The following SBF2 variants were observed in gnomAD, a reference collection of about 807,000 sequenced individuals.
SBF2 encodes the protein myotubularin-related protein 13.
A neutral mutation model predicts 225.2 loss-of-function variants in SBF2; 112 were observed. That is an observed-to-expected ratio of 0.50 (90% confidence interval 0.43 to 0.58). SBF2 has a LOEUF of 0.58. SBF2 is among the 20% of genes least tolerant of loss of function. The pLI is 0.00. For synonymous variants in SBF2, 763 were observed against 773.3 expected (o/e 0.99, Z 0.22); for missense variants, 1,996 against 2,206.2 (o/e 0.90, Z 1.91).
In SBF2 at chr11:10,015,308, T is replaced by C. The variant is rs150481220; in HGVS notation, c.620-12619A>G. On this transcript the variant is annotated intron_variant, in intron 6 of 39. Transcript: ENST00000256190. ...TCAAACTATTTAAAATAAAGAGTGATACTTTTTAAAGTCTGTGGATGTATT... is the reference window on the plus strand; with the variant it reads ...TCAAACTATTTAAAATAAAGAGTGACACTTTTTAAAGTCTGTGGATGTATT... 3.9e-4 allele frequency among the ~76,000 whole-genome samples: 60 copies of C among 152,358 alleles called. 1 individual carries two copies. The East Asian group carries it at 9.8e-3, about 25-fold the overall frequency.
At chr11:9,882,795 C>CAAAAAAAAAA (rs56699466) in intron 17 of SBF2, among the ~76,000 whole-genome samples, 4 of 90,094 alleles carry the variant, frequency 4.4e-5, no homozygotes, top group Non-Finnish European at 4.8e-5. Flanking sequence ...GTGACAGAGT[C>CAAAAAAAAAA]AAAAAAAAAA....
intron 16 of SBF2, among the ~76,000 whole-genome samples, chr11:9,903,737 A>C (rs533469140): frequency 6.6e-6 from 1 of 152,246 alleles, no homozygotes; most frequent in Admixed American, 6.5e-5. Flanking sequence ...AGGCTGGGCT[A>C]CTCATAAGTG....
intron 2 of SBF2, among the ~76,000 whole-genome samples, chr11:10,110,638 T>G (rs1428700590): frequency 6.6e-6 from 1 of 152,126 alleles, no homozygotes; most frequent in African/African-American, 2.4e-5. Context: ...GACACGAGTT[T>G]TAAAAGCTAT....
At chr11:9,993,124 G>A (rs773063316) in intron 10 of SBF2, 21 bp from the exon 11 acceptor site, 2 of 1,546,970 alleles carry the variant, frequency 1.3e-6, no homozygotes, top group Non-Finnish European at 1.8e-6. Context: ...AAGAAGAAAT[G>A]TTAGGTAATT....
intron 1 of SBF2, among the ~76,000 whole-genome samples, chr11:10,259,431 T>A (rs11042694): frequency 0.022 from 3,278 of 152,286 alleles, 91 homozygotes; most frequent in African/African-American, 0.065. Context: ...TTTGCATGCA[T>A]TTCTTTTCTC....
chr11:9,963,792 T>G lies in SBF2; in HGVS notation c.1691A>C (p.Lys564Thr). The G allele has an allele frequency of 6.3e-7, 1 of 1,586,010 alleles. No individual in the cohort carries two copies. Among genetic ancestry groups the G allele is most frequent in the South Asian group, 1.1e-5 (1 of 89,432 alleles). Residue 564 changes from lysine to threonine, a missense_variant, in exon 15 of 40, where the codon AAA (lysine) becomes ACA (threonine). Coordinates refer to ENST00000256190, the MANE Select transcript of SBF2 (RefSeq NM_030962.4). ...TATTACCTTTTCAGTTTCCAAAATTTTATTTTCAAATATGAATGAGATACA... is the reference window on the plus strand; with the variant it reads ...TATTACCTTTTCAGTTTCCAAAATTGTATTTTCAAATATGAATGAGATACA... ...RNCISFIFEN[K>T]ILETEKTLPA...
intron 16 of SBF2, among the ~76,000 whole-genome samples, chr11:9,946,781 A>G (rs1002383735): frequency 1.3e-5 from 2 of 152,234 alleles, no homozygotes; most frequent in Non-Finnish European, 2.9e-5. Flanking sequence ...TTATATATGT[A>G]TAACAAACAC....
At chr11:10,085,683 G>C (rs1259300977) in intron 2 of SBF2, among the ~76,000 whole-genome samples, 1 of 151,926 alleles carries the variant, frequency 6.6e-6, no homozygotes. Flanking sequence ...CTTTTCTTCT[G>C]GCTGTAATTT....
At chr11:10,267,787 G>T (rs1443358433) in intron 1 of SBF2, among the ~76,000 whole-genome samples, 2 of 152,116 alleles carry the variant, frequency 1.3e-5, no homozygotes, top group Non-Finnish European at 2.9e-5. Flanking sequence ...GTGAAAGGGA[G>T]TTTAAGGTGG....
chr11:10,037,323 G>A (rs902689561), intron 3 of SBF2, among the ~76,000 whole-genome samples: 5 of 152,052 alleles, frequency 3.3e-5, no homozygotes, highest in South Asian at 2.1e-4. Context: ...ATTATGTTAC[G>A]CATGCTAGTT....
intron 1 of SBF2, among the ~76,000 whole-genome samples, chr11:10,237,953 G>A (rs183388352): frequency 8.5e-5 from 13 of 152,268 alleles, no homozygotes; most frequent in African/African-American, 2.9e-4. Flanking sequence ...AGACATTTGG[G>A]CTGTTTCTGG....
At chr11:10,040,727 G>GGT (rs1026235279) in intron 3 of SBF2, among the ~76,000 whole-genome samples, 5 of 151,360 alleles carry the variant, frequency 3.3e-5, no homozygotes, top group Admixed American at 2.0e-4. Flanking sequence ...AAAGAATTTA[G>GGT]GTGTGTGTGT....
rs376862548 is a variant in SBF2, at chr11:10,133,456, G to A, written c.141+60446C>T. Among the ~76,000 whole-genome samples the A allele has an allele frequency of 5.0e-3, 731 of 146,530 alleles. 48 individuals carry two copies. The highest frequency in any genetic ancestry group is 0.039 in the Middle Eastern group (11 of 280). On this transcript the variant is annotated intron_variant, in intron 2 of 39. Coordinates refer to ENST00000256190, the MANE Select transcript of SBF2 (RefSeq NM_030962.4). ...AGGTCCCGAGCCCTGCCCCGTGGGA[G>A]GGCAGCCAAGGCCCAGCGAGAAATC...
At chr11:10,132,664 A>G (rs1017284520) in intron 2 of SBF2, among the ~76,000 whole-genome samples, 4 of 148,966 alleles carry the variant, frequency 2.7e-5, no homozygotes, top group African/African-American at 5.0e-5. Flanking sequence ...AAGAGTGAGC[A>G]GTAGCAAGAT....
chr11:10,008,121 T>A (rs533585115), intron 6 of SBF2, among the ~76,000 whole-genome samples: 34 of 152,260 alleles, frequency 2.2e-4, no homozygotes, highest in African/African-American at 7.5e-4. Context: ...TGACTCCAAT[T>A]GGGATTACAA....
intron 1 of SBF2, among the ~76,000 whole-genome samples, chr11:10,293,639 G>A (rs1221895147): frequency 1.3e-5 from 2 of 152,186 alleles, no homozygotes; most frequent in African/African-American, 2.4e-5. Flanking sequence ...TTATCCCCGA[G>A]GAACTTAGCA....
At chr11:10,137,058 T>C (rs1954397384) in intron 2 of SBF2, among the ~76,000 whole-genome samples, 2 of 152,204 alleles carry the variant, frequency 1.3e-5, no homozygotes, top group Admixed American at 1.3e-4. Context: ...TATTTCCATT[T>C]ACTTAGATCT....
At chr11:9,932,367 C>T (rs917826252) in intron 16 of SBF2, among the ~76,000 whole-genome samples, 3 of 152,074 alleles carry the variant, frequency 2.0e-5, no homozygotes, top group South Asian at 2.1e-4. Flanking sequence ...AAAAATGTTA[C>T]GGGCAGCCAG....
Position 9,780,362 on chromosome 11 carries a change from T to TATCTA in SBF2, c.*51_*55dup. 1 of 1,449,282 alleles carries TATCTA rather than the reference T, an allele frequency of 6.9e-7. No homozygotes were observed. 89.8% of individuals were successfully genotyped at this position (1,449,282 alleles called of 1,614,324 possible). A position where few individuals can be genotyped will look rare whatever the true frequency, so the allele number is the denominator to read the frequency against. On this transcript the variant is annotated 3_prime_UTR_variant, in exon 40 of 40. Coordinates refer to ENST00000256190, the MANE Select transcript of SBF2 (RefSeq NM_030962.4). The stretch of plus-strand genomic sequence containing the variant: ...CCTCAAGGATCCATGCTTCTTTTTC[T>TATCTA]ATCTATCTGGCAGCATGAGTTCTTC...
Sources: gnomAD v4.1 joint callset for allele counts (sites outside exome capture counted in the v4.1 genomes callset) on GRCh38, gnomAD v4.1.1 for gene constraint, MANE v1.5 for transcripts, NCBI Gene and HGNC (gene_info 2026-07-23, HGNC 2026-07-21) for gene names.